Variants in PTPRT observed in about 807,000 individuals in gnomAD.
PTPRT encodes protein tyrosine phosphatase receptor type T, also known as receptor-type tyrosine-protein phosphatase T.
PTPRT carries 56 observed loss-of-function variants against 176.8 expected under a neutral mutation model. The ratio of observed to expected loss-of-function variants is 0.32; its 90% confidence interval spans 0.26 to 0.40. PTPRT has a LOEUF of 0.40. Ranked by LOEUF, PTPRT falls within the 10% of genes least tolerant of loss-of-function variation. The pLI is 1.00. For missense variants in PTPRT, 1,540 were observed against 1,908.2 expected, an observed-to-expected ratio of 0.81 and a Z score of 3.60; for synonymous variants, 783 against 739.0, an observed-to-expected ratio of 1.06 and a Z score of -0.96.
intron 16 of PTPRT, 149 bp from the exon 17 acceptor site, chr20:42,161,691 C>T (rs1989609118): frequency 1.4e-6 from 1 of 724,654 alleles, no homozygotes; most frequent in Non-Finnish European, 2.2e-6. Flanking sequence ...TGGAGATACA[C>T]TCCTTCCCTG....
chr20:42,669,222 C>T (rs960678427), intron 7 of PTPRT, among the ~76,000 whole-genome samples: 1 of 152,082 alleles, frequency 6.6e-6, no homozygotes, highest in Non-Finnish European at 1.5e-5. Flanking sequence ...GGTCATAATC[C>T]ATCTTCTGTG....
At chr20:42,363,725 G>A (rs2058474064) in intron 9 of PTPRT, among the ~76,000 whole-genome samples, 1 of 152,056 alleles carries the variant, frequency 6.6e-6, no homozygotes, top group African/African-American at 2.4e-5. Context: ...AGTTTATGAG[G>A]CTACTACCGT....
chr20:42,053,873 G>A, the PTPRT span, among the ~76,000 whole-genome samples: 1 of 152,188 alleles, frequency 6.6e-6, no homozygotes, highest in Admixed American at 6.5e-5. Flanking sequence ...TTACTTTACT[G>A]TGATTCATAC....
At chr20:43,072,242 G>A (rs1478994454) in intron 1 of PTPRT, among the ~76,000 whole-genome samples, 3 of 152,222 alleles carry the variant, frequency 2.0e-5, no homozygotes, top group Non-Finnish European at 4.4e-5. Context: ...AGACATCATA[G>A]TCATGCATTG....
intron 2 of PTPRT, among the ~76,000 whole-genome samples, chr20:42,845,254 A>G (rs2145739800): frequency 6.6e-6 from 1 of 150,908 alleles, no homozygotes; most frequent in African/African-American, 2.4e-5. Context: ...AGACTGGGGA[A>G]AGCTAAAGGG....
At chr20:42,306,341 G>T (rs117870620) in intron 12 of PTPRT, among the ~76,000 whole-genome samples, 1 of 152,156 alleles carries the variant, frequency 6.6e-6, no homozygotes, top group African/African-American at 2.4e-5. Flanking sequence ...CTGGAAGCAG[G>T]GATGCCCAAG....
At chr20:42,235,652 C>T (rs2056226932) in intron 15 of PTPRT, among the ~76,000 whole-genome samples, 1 of 152,066 alleles carries the variant, frequency 6.6e-6, no homozygotes, top group Admixed American at 6.6e-5. Flanking sequence ...CAACAAAATG[C>T]ACTGATAATA....
intron 7 of PTPRT, among the ~76,000 whole-genome samples, chr20:42,653,050 T>C (rs2075060136): frequency 6.6e-6 from 1 of 152,060 alleles, no homozygotes; most frequent in Non-Finnish European, 1.5e-5. Context: ...CCCAACCAAA[T>C]CTCATCTTGA....
intron 1 of PTPRT, among the ~76,000 whole-genome samples, chr20:43,097,296 T>C (rs1046383830): frequency 5.9e-5 from 9 of 152,102 alleles, no homozygotes; most frequent in African/African-American, 2.2e-4. Flanking sequence ...CTAACCTCCC[T>C]AACCCTCTTT....
At chr20:42,841,260 C>T (rs1455747753) in intron 2 of PTPRT, among the ~76,000 whole-genome samples, 1 of 152,182 alleles carries the variant, frequency 6.6e-6, no homozygotes, top group Non-Finnish European at 1.5e-5. Flanking sequence ...CTGCATTTGT[C>T]TGGACCTTGC....
chr20:42,216,391 A>G (rs1226618740), intron 15 of PTPRT, among the ~76,000 whole-genome samples: 1 of 152,188 alleles, frequency 6.6e-6, no homozygotes, highest in Non-Finnish European at 1.5e-5. Context: ...TCCTGTAAAG[A>G]CCTGTTGAAT....
At chr20:42,200,413 T>G (rs1370231441) in intron 15 of PTPRT, among the ~76,000 whole-genome samples, 2 of 152,214 alleles carry the variant, frequency 1.3e-5, no homozygotes, top group East Asian at 3.9e-4. Context: ...GCAGTTGCTA[T>G]TCTTGTTTTT....
intron 9 of PTPRT, among the ~76,000 whole-genome samples, chr20:42,380,674 A>G (rs77926887): frequency 2.0e-3 from 310 of 152,270 alleles, no homozygotes; most frequent in Middle Eastern, 0.01. Flanking sequence ...CATTGCACTT[A>G]TCATGCTGTC....
At chr20:42,670,411 A>T (rs1376716739) in intron 7 of PTPRT, among the ~76,000 whole-genome samples, 1 of 152,084 alleles carries the variant, frequency 6.6e-6, no homozygotes, top group Non-Finnish European at 1.5e-5. Flanking sequence ...AAACCAGATT[A>T]TTTTTGGCTC....
chr20:42,110,524 G>T (rs2146293034), intron 22 of PTPRT, 37 bp from the exon 23 acceptor site: 1 of 1,554,444 alleles, frequency 6.4e-7, no homozygotes, highest in South Asian at 1.2e-5. Flanking sequence ...TCCAGCTGCT[G>T]CCCTCGCATA....
rs772057709 is a variant in PTPRT, at chr20:42,472,358, C to G, written c.1358G>C (p.Arg453Pro). The G allele has an allele frequency of 1.9e-6, 3 of 1,614,168 alleles. No individual in the cohort carries two copies. Residue 453 changes from arginine to proline, a missense_variant, in exon 8 of 31, where the codon CGC (arginine) becomes CCC (proline). By Grantham distance (103) the Arg-to-Pro change is moderately radical. This residue lies in a region of PTPRT where 79 missense variants were observed against 80.0 expected (regional missense o/e 0.99). Transcript: ENST00000373187. ...TCGCAGCCGGATGGTCATGAAGGGGCGCAGGCCTCGCAGGGTGTAGTGGGA... is the reference window on the plus strand; with the variant it reads ...TCGCAGCCGGATGGTCATGAAGGGGGGCAGGCCTCGCAGGGTGTAGTGGGA... ...TSSHYTLRGL[R>P]PFMTIRLRLL...
At chr20:42,199,205 C>G (rs369607056) in intron 16 of PTPRT, 35 bp downstream of exon 16, 6 of 1,608,664 alleles carry the variant, frequency 3.7e-6, no homozygotes, top group Non-Finnish European at 5.1e-6. Flanking sequence ...AGCTGGACCA[C>G]GGATGTCCCC....
intron 7 of PTPRT, among the ~76,000 whole-genome samples, chr20:42,606,283 T>C (rs931595244): frequency 6.6e-6 from 1 of 152,140 alleles, no homozygotes; most frequent in Non-Finnish European, 1.5e-5. Context: ...CACAGGCACC[T>C]ACCAAGGCTG....
At chr20:42,306,352 T>C (rs2057544676) in intron 12 of PTPRT, among the ~76,000 whole-genome samples, 1 of 152,060 alleles carries the variant, frequency 6.6e-6, no homozygotes, top group Non-Finnish European at 1.5e-5. Flanking sequence ...GATGCCCAAG[T>C]GAGTGGGTAA....
Sources: allele counts gnomAD v4.1 joint callset (sites outside exome capture counted in the v4.1 genomes callset), GRCh38; gene constraint gnomAD v4.1.1; regional missense constraint gnomAD v4.1.1; transcripts MANE v1.5; gene names NCBI Gene and HGNC (gene_info 2026-07-23, HGNC 2026-07-21).